The following MEAK7 variants were observed in gnomAD, a reference collection of about 807,000 sequenced individuals.
The protein encoded by MEAK7 is MTOR-associated protein MEAK7.
A neutral mutation model predicts 40.5 loss-of-function variants in MEAK7; 68 were observed. That is an observed-to-expected ratio of 1.68 (90% CI 1.38 to 2.06). The LOEUF (loss-of-function observed/expected upper bound fraction) is 2.06, where lower values mean the gene tolerates loss of function less well. Among genes scored for constraint, MEAK7 ranks in the 30% most tolerant of loss-of-function variants. The pLI, the probability that MEAK7 is intolerant of heterozygous loss-of-function variation, is 0.00. For missense variants in MEAK7, 918 were observed against 580.5 expected (o/e 1.58, Z -5.98); for synonymous variants, 338 against 231.9 (o/e 1.46, Z -4.16).
At chr16:84,484,720 A>G (rs1912881458) in intron 5 of MEAK7, among the ~76,000 whole-genome samples, 1 of 152,156 alleles carries the variant, frequency 6.6e-6, no homozygotes, top group Non-Finnish European at 1.5e-5. Flanking sequence ...AAAGTCTCAG[A>G]TATTAGAGGT....
chr16:84,489,182 C>G lies in MEAK7; in HGVS notation c.529+96G>C, dbSNP rs1913347838. The G allele has an allele frequency of 2.8e-6, 4 of 1,435,432 alleles. No individual in the cohort carries two copies. The African/African-American group carries it at 4.3e-5, about 15-fold the overall frequency. 88.9% of individuals were successfully genotyped at this position (1,435,432 alleles called of 1,614,324 possible). On this transcript the variant is annotated intron_variant, in intron 4 of 7. Transcript: ENST00000343629. ...AAGAAGGTTCGAGGGCTCACGCATT[C>G]TGGTTTCAAAGCTTTACTACACAGC...
chr16:84,497,386 A>G (rs1159293626), intron 2 of MEAK7: 1 of 1,249,422 alleles, frequency 8.0e-7, no homozygotes, highest in African/African-American at 1.5e-5. Flanking sequence ...TTTGTTAGGA[A>G]TATCATGAAA....
chr16:84,476,627 G>A lies in MEAK7; in HGVS notation c.*3286C>T, dbSNP rs1912123578. 6.6e-6 allele frequency: 1 copy of A among 152,086 alleles called. No homozygotes were observed. Among genetic ancestry groups the A allele is most frequent in the African/African-American group, 2.4e-5 (1 of 41,384 alleles). 9.4% of individuals were successfully genotyped at this position (152,086 alleles called of 1,614,324 possible). On this transcript the variant is annotated 3_prime_UTR_variant, in exon 8 of 8. Transcript: ENST00000343629. ...AGACGGTGGAACGCTAGGCCCGAGA[G>A]CATCCATATGGTGGGACATCACGCA...
intron 2 of MEAK7, chr16:84,497,636 C>G (rs1280442711): frequency 7.2e-7 from 1 of 1,388,126 alleles, no homozygotes. Flanking sequence ...ATTATCTACT[C>G]CAGGTTCCTT....
chr16:84,489,734 G>C (rs552021738), intron 3 of MEAK7, among the ~76,000 whole-genome samples: 2 of 152,156 alleles, frequency 1.3e-5, no homozygotes, highest in African/African-American at 2.4e-5. Flanking sequence ...GATTTGCTGA[G>C]GCCCAGGAGC....
At position 84,482,632 on chromosome 16, in the gene MEAK7, A is replaced by G. The variant is rs761272827; in HGVS notation, c.1037T>C (p.Met346Thr). ...YTHTGYNDHY[M>T]YLNHGQQTIP... Reference sequence around the variant, plus strand: ...CGTCTGCTGTCCATGGTTCAAGTACATGTAGTGGTCGTTGTAGCCCGTGTG... The same window carrying G: ...CGTCTGCTGTCCATGGTTCAAGTACGTGTAGTGGTCGTTGTAGCCCGTGTG... The change falls in exon 6 of 8, where the codon ATG becomes ACG. Residue 346 changes from methionine (M) to threonine (T), a missense_variant. By Grantham distance (81) the Met-to-Thr change is moderately conservative. Transcript: ENST00000343629. The G allele has an allele frequency of 1.2e-6, 2 of 1,614,160 alleles. No individual in the cohort carries two copies. The highest frequency in any genetic ancestry group is 1.3e-5 in the African/African-American group (1 of 75,032).
chr16:84,504,053 G>C, intron 1 of MEAK7: 2 of 985,546 alleles, frequency 2.0e-6, no homozygotes, highest in South Asian at 9.4e-5. Flanking sequence ...CGAAGGGGCA[G>C]CTTGAGCCTG....
intron 6 of MEAK7, among the ~76,000 whole-genome samples, chr16:84,481,747 C>G (rs1168112494): frequency 1.3e-5 from 2 of 152,074 alleles, no homozygotes; most frequent in Non-Finnish European, 2.9e-5. Flanking sequence ...TCCTGGCTAA[C>G]ATGGTGAAAC....
Position 84,497,996 on chromosome 16 carries a change from G to C in MEAK7, c.91C>G (p.Leu31Val), listed in dbSNP as rs768764337. The C allele has an allele frequency of 2.6e-5, 42 of 1,614,064 alleles. No individual in the cohort carries two copies. Among genetic ancestry groups the C allele is most frequent in the Admixed American group, 1.2e-4 (7 of 59,998 alleles). The change falls in exon 2 of 8, where the codon CTG becomes GTG. Residue 31 changes from leucine (L) to valine (V), a missense_variant. By Grantham distance (32) the Leu-to-Val change is conservative. Coordinates refer to ENST00000343629, the MANE Select transcript of MEAK7 (RefSeq NM_020947.4). Reference sequence around the variant, plus strand: ...TTCGGGCTGTTTTTATCTGATGACAGAGCATCAAACAATTGATCAATCTCT... The same window carrying C: ...TTCGGGCTGTTTTTATCTGATGACACAGCATCAAACAATTGATCAATCTCT... ...QAEIDQLFDA[L>V]SSDKNSPNVS...
chr16:84,504,031 G>A (rs1019917068), intron 1 of MEAK7: 1 of 985,446 alleles, frequency 1.0e-6, no homozygotes, highest in Non-Finnish European at 1.2e-6. Flanking sequence ...TCAGAGCCCA[G>A]AGGCCCTTGT....
At chr16:84,485,270 T>C (rs1488099540) in intron 5 of MEAK7, among the ~76,000 whole-genome samples, 1 of 152,170 alleles carries the variant, frequency 6.6e-6, no homozygotes, top group Non-Finnish European at 1.5e-5. Flanking sequence ...ATTCCCACCA[T>C]TCCCAGAACT....
At chr16:84,480,835 C>A in intron 6 of MEAK7, 127 bp from the exon 7 acceptor site, 1 of 1,029,896 alleles carries the variant, frequency 9.7e-7, no homozygotes, top group South Asian at 1.9e-5. Flanking sequence ...TGGTGAATGC[C>A]ATCATCTTGT....
rs568892290 is a variant in MEAK7, at chr16:84,497,547, GAC to G, written c.153+385_153+386del. ...CAGTCAGGAGGGACGTGGTTCAAGA[GAC>G]ACACGAGGCAGGCTATCTCTCTCCT... On this transcript the variant is annotated intron_variant, in intron 2 of 7. Transcript: ENST00000343629. 5.5e-4 allele frequency: 711 copies of G among 1,293,498 alleles called. 10 individuals are homozygous for G. The highest frequency in any genetic ancestry group is 1.0e-3 in the East Asian group (19 of 18,242). The allele number at this position is 1,293,498 out of a possible 1,614,324, so 80.1% of individuals were successfully genotyped here.
intron 2 of MEAK7, among the ~76,000 whole-genome samples, chr16:84,496,396 C>T (rs186825487): frequency 1.9e-4 from 29 of 152,308 alleles, no homozygotes; most frequent in African/African-American, 6.5e-4. Context: ...TTGAGGACCT[C>T]TTCTTTTGGC....
chr16:84,485,372 C>G (rs1476853487), intron 5 of MEAK7, among the ~76,000 whole-genome samples: 4 of 152,210 alleles, frequency 2.6e-5, no homozygotes, highest in Non-Finnish European at 4.4e-5. Flanking sequence ...AACCCTCAAC[C>G]TGGTGACCCC....
rs1912226713 is a variant in MEAK7 at position 84,478,460 on chromosome 16, C to G, written c.*1453G>C. 6.6e-6 allele frequency: 1 copy of G among 152,212 alleles called. No individual in the cohort carries two copies. The highest frequency in any genetic ancestry group is 2.1e-4 in the South Asian group (1 of 4,832). The allele number at this position is 152,212 out of a possible 1,614,324, so 9.4% of individuals were successfully genotyped here. A position where few individuals can be genotyped will look rare whatever the true frequency, so the allele number is the denominator to read the frequency against. ...ATGCGAACAGCTCGATTTACTATGGCTTATAATCAAGGCAAACTATACAAT... is the reference window on the plus strand; with the variant it reads ...ATGCGAACAGCTCGATTTACTATGGGTTATAATCAAGGCAAACTATACAAT... On this transcript the variant is annotated 3_prime_UTR_variant, in exon 8 of 8. Transcript: ENST00000343629.
intron 3 of MEAK7, 83 bp downstream of exon 3, chr16:84,495,600 T>C: frequency 7.5e-7 from 1 of 1,328,052 alleles, no homozygotes; most frequent in Non-Finnish European, 1.1e-6. Flanking sequence ...CTCCTCCATG[T>C]GCCATGTAAC....
At chr16:84,482,752 G>C (rs764544605) in intron 5 of MEAK7, 42 bp from the exon 6 acceptor site, 1 of 1,610,522 alleles carries the variant, frequency 6.2e-7, no homozygotes, top group Non-Finnish European at 8.5e-7. Context: ...GTCGGTGTCT[G>C]AGCCGGTCCC....
intron 3 of MEAK7, chr16:84,494,785 C>G: frequency 4.4e-6 from 2 of 455,440 alleles, no homozygotes; most frequent in South Asian, 3.1e-5. Context: ...AGACAAAACC[C>G]AAGCCCTGAG....
Sources: gnomAD v4.1 joint callset for allele counts (sites outside exome capture counted in the v4.1 genomes callset) on GRCh38, gnomAD v4.1.1 for gene constraint, MANE v1.5 for transcripts, NCBI Gene and HGNC (gene_info 2026-07-23, HGNC 2026-07-21) for gene names.